The following CNTN5 variants were observed in gnomAD, a reference collection of about 807,000 sequenced individuals.
The protein encoded by CNTN5 is contactin-5.
Under a neutral mutation model 129.1 loss-of-function variants are expected in CNTN5, and 77 were observed. That is an observed-to-expected ratio of 0.60 (90% CI 0.50 to 0.72). CNTN5 has a LOEUF of 0.72. CNTN5 is among the 30% of genes least tolerant of loss of function. The pLI is 0.00. For synonymous variants in CNTN5, 509 were observed against 465.6 expected, an observed-to-expected ratio of 1.09 and a Z score of -1.20; for missense variants, 1,478 against 1,328.8, an observed-to-expected ratio of 1.11 and a Z score of -1.75.
chr11:99,976,479 G>C (rs1449675504), intron 8 of CNTN5, among the ~76,000 whole-genome samples: 4 of 152,142 alleles, frequency 2.6e-5, no homozygotes, highest in African/African-American at 4.8e-5. Flanking sequence ...TCAGACATCT[G>C]CTTGGACTTC....
At chr11:100,264,736 G>T (rs1591451467) in intron 17 of CNTN5, among the ~76,000 whole-genome samples, 1 of 152,154 alleles carries the variant, frequency 6.6e-6, no homozygotes, top group East Asian at 1.9e-4. Flanking sequence ...GTATTCCTTT[G>T]GGTATGTACC....
intron 18 of CNTN5, among the ~76,000 whole-genome samples, chr11:100,271,590 C>T (rs1950408908): frequency 6.6e-6 from 1 of 151,922 alleles, no homozygotes; most frequent in Non-Finnish European, 1.5e-5. Context: ...GGTTCACCTT[C>T]TTTTTTTCCA....
chr11:99,551,910 C>CTT (rs1334801874), intron 2 of CNTN5, among the ~76,000 whole-genome samples: 6 of 139,922 alleles, frequency 4.3e-5, no homozygotes, highest in South Asian at 2.3e-4. Flanking sequence ...TGAGTTTTTT[C>CTT]TTTTTTTTTT....
intron 18 of CNTN5, among the ~76,000 whole-genome samples, chr11:100,284,269 G>A (rs1950714398): frequency 6.6e-6 from 1 of 152,208 alleles, no homozygotes; most frequent in Non-Finnish European, 1.5e-5. Context: ...TGAGTTTTAT[G>A]TGTAGCAGTG....
chr11:99,825,787 G>A (rs1029088961), intron 4 of CNTN5, among the ~76,000 whole-genome samples: 6 of 151,958 alleles, frequency 3.9e-5, no homozygotes, highest in African/African-American at 1.4e-4. Flanking sequence ...CTTCCCTGTG[G>A]AAGTTATTTT....
chr11:99,811,496 TATA>T (rs1284572219), intron 3 of CNTN5, among the ~76,000 whole-genome samples: 1 of 148,672 alleles, frequency 6.7e-6, no homozygotes, highest in African/African-American at 2.4e-5. Flanking sequence ...CTATTATATT[TATA>T]ATATTAATAT....
chr11:100,274,872 C>T (rs538667195), intron 18 of CNTN5, among the ~76,000 whole-genome samples: 3 of 152,334 alleles, frequency 2.0e-5, no homozygotes, highest in Middle Eastern at 6.8e-3. Flanking sequence ...CGACCCGATA[C>T]TCCCATTACT....
At chr11:100,023,906 A>G (rs1941285859) in intron 9 of CNTN5, among the ~76,000 whole-genome samples, 1 of 152,006 alleles carries the variant, frequency 6.6e-6, no homozygotes, top group South Asian at 2.1e-4. Flanking sequence ...TTATCTATTC[A>G]GCTACTAAAG....
intron 13 of CNTN5, among the ~76,000 whole-genome samples, chr11:100,094,761 GAGGA>G (rs796354968): frequency 1.1e-4 from 15 of 138,224 alleles, no homozygotes; most frequent in African/African-American, 4.2e-4. Context: ...GGGAGGGAGG[GAGGA>G]AAGGAAGGAA....
Position 100,356,648 on chromosome 11 carries a change from C to T in CNTN5, c.*428C>T, listed in dbSNP as rs1014159998. Reference sequence around the variant, plus strand: ...TGAAAAGTTTGCTTAAGACTAAGTCCAGTGTTTTTCATTTTCCCTTTGGCT... The same window carrying T: ...TGAAAAGTTTGCTTAAGACTAAGTCTAGTGTTTTTCATTTTCCCTTTGGCT... On this transcript the variant is annotated 3_prime_UTR_variant, in exon 25 of 25. Coordinates refer to ENST00000524871, the MANE Select transcript of CNTN5 (RefSeq NM_014361.4). The T allele has an allele frequency of 6.3e-6, 1 of 159,184 alleles. No homozygotes were observed. The highest frequency in any genetic ancestry group is 1.4e-5 in the Non-Finnish European group (1 of 72,652). 9.9% of individuals were successfully genotyped at this position (159,184 alleles called of 1,614,324 possible).
intron 3 of CNTN5, among the ~76,000 whole-genome samples, chr11:99,608,317 G>T (rs2135721524): frequency 6.6e-6 from 1 of 152,276 alleles, no homozygotes; most frequent in African/African-American, 2.4e-5. Context: ...CCAGGAAACT[G>T]ATGTCAGCAA....
intron 2 of CNTN5, among the ~76,000 whole-genome samples, chr11:99,515,842 C>T (rs1455876537): frequency 6.6e-6 from 1 of 151,194 alleles, no homozygotes; most frequent in Non-Finnish European, 1.5e-5. Flanking sequence ...ATATCAATTG[C>T]TATTATCTCA....
chr11:99,319,709 A>T (rs1237016896), intron 1 of CNTN5, among the ~76,000 whole-genome samples: 1 of 152,184 alleles, frequency 6.6e-6, no homozygotes, highest in Non-Finnish European at 1.5e-5. Context: ...ATTTATATAA[A>T]TTTAAAAACC....
chr11:100,132,305 A>G (rs74457119), intron 13 of CNTN5, among the ~76,000 whole-genome samples: 10 of 152,238 alleles, frequency 6.6e-5, no homozygotes, highest in Non-Finnish European at 1.3e-4. Context: ...TATAATGATT[A>G]TGAAAATTAA....
chr11:99,675,681 G>A (rs1565415406), intron 3 of CNTN5, among the ~76,000 whole-genome samples: 1 of 152,050 alleles, frequency 6.6e-6, no homozygotes, highest in Non-Finnish European at 1.5e-5. Flanking sequence ...GCAAAACTCT[G>A]TCTCAAATAA....
At chr11:99,814,262 C>A (rs1591237176) in intron 3 of CNTN5, among the ~76,000 whole-genome samples, 3 of 152,222 alleles carry the variant, frequency 2.0e-5, no homozygotes, top group Middle Eastern at 3.4e-3. Context: ...TATGCGTGTA[C>A]AGGCAGATGG....
At chr11:99,378,372 C>T (rs1466229487) in intron 2 of CNTN5, among the ~76,000 whole-genome samples, 2 of 152,044 alleles carry the variant, frequency 1.3e-5, no homozygotes, top group Admixed American at 6.6e-5. Context: ...TAAGAAAAAA[C>T]TAGTAGTCAT....
intron 9 of CNTN5, among the ~76,000 whole-genome samples, chr11:100,033,723 T>C (rs1456447778): frequency 6.6e-6 from 1 of 152,232 alleles, no homozygotes; most frequent in African/African-American, 2.4e-5. Context: ...CAGAATGGTC[T>C]CACTATAATT....
chr11:99,822,528 T>C lies in CNTN5; in HGVS notation c.277+2763T>C, dbSNP rs150636306. Among the ~76,000 whole-genome samples, 21 of 152,296 alleles carry C rather than the reference T, an allele frequency of 1.4e-4. No homozygotes were observed. In the East Asian group the frequency reaches 3.3e-3, roughly 24 times the overall value. On this transcript the variant is annotated intron_variant, in intron 4 of 24. Transcript: ENST00000524871. ...TGTAAAACAATGGAAAAATATATCCTATTTATGGATACACATAAGTGGTAT... is the reference window on the plus strand; with the variant it reads ...TGTAAAACAATGGAAAAATATATCCCATTTATGGATACACATAAGTGGTAT...
Sources: gnomAD v4.1 joint callset for allele counts (sites outside exome capture counted in the v4.1 genomes callset) on GRCh38, gnomAD v4.1.1 for gene constraint, MANE v1.5 for transcripts, NCBI Gene and HGNC (gene_info 2026-07-23, HGNC 2026-07-21) for gene names.